Variants in SPOCD1 observed in about 807,000 individuals in gnomAD.
SPOCD1 encodes SPOC domain-containing protein 1.
Under a neutral mutation model 92.2 loss-of-function variants are expected in SPOCD1, and 64 were observed. The ratio of observed to expected loss-of-function variants is 0.69; its 90% CI spans 0.57 to 0.86. The LOEUF (loss-of-function observed/expected upper bound fraction) is 0.86. SPOCD1 is among the 40% of genes least tolerant of loss of function. The pLI, the probability that SPOCD1 is intolerant of heterozygous loss-of-function variation, is 0.00. For synonymous variants in SPOCD1, 578 were observed against 619.3 expected, an observed-to-expected ratio of 0.93 and a Z score of 0.99; for missense variants, 1,360 against 1,543.1, an observed-to-expected ratio of 0.88 and a Z score of 1.99.
Position 31,814,999 on chromosome 1 carries a change from C to A in SPOCD1, c.335G>T (p.Arg112Ile). The change falls in exon 2 of 16, where the codon AGA becomes ATA. Residue 112 changes from arginine to isoleucine, a missense_variant. Arg to Ile is a moderately conservative substitution (Grantham distance 97). This residue lies in a region of SPOCD1 where 140 missense variants were observed against 183.8 expected (regional missense o/e 0.76). Transcript: ENST00000360482. The surrounding 1 kb of genome is among the most constrained non-coding windows in gnomAD (Gnocchi z 4.2). ...CTGGAGCCTCTTGGAGGTCAGAGCT[C>A]TCCCCTGAGTAGGCACCGAGGGCAG... Reference protein sequence around the residue: ...MQLPSVPTQGRALTSKRLQVS... With the variant: ...MQLPSVPTQGIALTSKRLQVS... 1 of 1,613,950 alleles carries A rather than the reference C, an allele frequency of 6.2e-7. No homozygotes were observed. The highest frequency in any genetic ancestry group is 8.5e-7 in the Non-Finnish European group (1 of 1,180,024).
At chr1:31,808,250 A>G (rs1229923356) in intron 2 of SPOCD1, among the ~76,000 whole-genome samples, 4 of 152,156 alleles carry the variant, frequency 2.6e-5, no homozygotes, top group Non-Finnish European at 4.4e-5. Flanking sequence ...CATGAAATTG[A>G]ATTCACAAAA....
intron 2 of SPOCD1, among the ~76,000 whole-genome samples, chr1:31,810,354 ATT>A (rs35691769): frequency 1.2e-4 from 16 of 137,924 alleles, no homozygotes; most frequent in East Asian, 2.1e-4. Context: ...TTAGTGTTGA[ATT>A]TTTTTTTTTT....
At chr1:31,815,475 A>G in intron 1 of SPOCD1, 103 bp from the exon 2 acceptor site, 1 of 795,880 alleles carries the variant, frequency 1.3e-6, no homozygotes, top group South Asian at 2.5e-5. Flanking sequence ...GCTCTCCCAG[A>G]CCCTTCCACT....
intron 2 of SPOCD1, among the ~76,000 whole-genome samples, chr1:31,806,373 A>G (rs1443588158): frequency 6.6e-6 from 1 of 152,162 alleles, no homozygotes; most frequent in Non-Finnish European, 1.5e-5. Flanking sequence ...CAAAAAGCAA[A>G]TATCAACAAA....
Position 31,798,151 on chromosome 1 carries a change from G to T in SPOCD1, c.2145+56C>A. On this transcript the variant is annotated intron_variant, in intron 9 of 15. Transcript: ENST00000360482. This position sits in a 1 kb window ranked among gnomAD's most constrained non-coding sequence, Gnocchi z 4.1. Reference sequence around the variant, plus strand: ...CTGTCTCTCCCTCTTCCACTCTCAGGCCACCCACTCTGCCCCTACATCCCC... The same window carrying T: ...CTGTCTCTCCCTCTTCCACTCTCAGTCCACCCACTCTGCCCCTACATCCCC... 2 of 1,326,278 alleles carry T rather than the reference G, an allele frequency of 1.5e-6. No individual in the cohort carries two copies. Among genetic ancestry groups the T allele is most frequent in the Non-Finnish European group, 2.2e-6 (2 of 918,796 alleles). 82.2% of individuals were successfully genotyped at this position (1,326,278 alleles called of 1,614,324 possible).
chr1:31,790,590 T>G lies in SPOCD1; in HGVS notation c.*13A>C. 6.5e-7 allele frequency: 1 copy of G among 1,549,646 alleles called. No homozygotes were observed. Among genetic ancestry groups the G allele is most frequent in the Non-Finnish European group, 8.7e-7 (1 of 1,145,668 alleles). ...GAGGGCATCAAAACCCCTGTTCTGG[T>G]GGGTAAGGAGGGTCAGGCCTTTCTA... On this transcript the variant is annotated 3_prime_UTR_variant, in exon 16 of 16. Transcript: ENST00000360482.
chr1:31,807,836 A>C (rs780779759), intron 2 of SPOCD1, among the ~76,000 whole-genome samples: 12 of 152,200 alleles, frequency 7.9e-5, no homozygotes, highest in Non-Finnish European at 1.5e-4. Context: ...CTTAAAGATA[A>C]GAGGCTATTG....
rs544242508 is a variant in SPOCD1, at chr1:31,798,685, C to T, written c.1869-84G>A. On this transcript the variant is annotated intron_variant, in intron 7 of 15. Transcript: ENST00000360482. The surrounding 1 kb of genome is among the most constrained non-coding windows in gnomAD (Gnocchi z 4.1). ...TCCCAGAGGGAGGCAGCTGGGTGGG[C>T]GGCAGGGTCTGGGCCAACTTGTTCC... The T allele has an allele frequency of 1.6e-4, 237 of 1,494,940 alleles. 3 individuals are homozygous for T. In the South Asian group the frequency reaches 2.6e-3, roughly 17 times the overall value. The allele number at this position is 1,494,940 out of a possible 1,614,324, so 92.6% of individuals were successfully genotyped here.
intron 4 of SPOCD1, 33 bp downstream of exon 4, chr1:31,800,408 C>T: frequency 6.6e-7 from 1 of 1,521,316 alleles, no homozygotes; most frequent in East Asian, 2.5e-5. Flanking sequence ...GTGCCTCTCT[C>T]AGCAGGATTA....
intron 9 of SPOCD1, among the ~76,000 whole-genome samples, chr1:31,797,130 A>G (rs1648083772): frequency 6.6e-6 from 1 of 152,230 alleles, no homozygotes; most frequent in African/African-American, 2.4e-5. Flanking sequence ...TCTGTTCTGT[A>G]GGAATTTAAT....
In SPOCD1 at chr1:31,814,193, C is replaced by A. The variant is rs757344690; in HGVS notation, c.1141G>T (p.Ala381Ser). The A allele has an allele frequency of 1.3e-6, 2 of 1,569,660 alleles. No individual in the cohort carries two copies. The highest frequency in any genetic ancestry group is 3.5e-5 in the Admixed American group (2 of 56,776). The change falls in exon 2 of 16, where the codon GCT (alanine) becomes TCT (serine). Residue 381 changes from alanine to serine, a missense_variant. Physicochemically the swap from Ala to Ser is moderately conservative, Grantham distance 99. Transcript: ENST00000360482. This position sits in a 1 kb window ranked among gnomAD's most constrained non-coding sequence, Gnocchi z 4.2. ...CTGGCACAGGTGTCAGCGGGGGCAGCGAGTCCTTGCTCCAGCCTTCCCCTG... is the reference window on the plus strand; with the variant it reads ...CTGGCACAGGTGTCAGCGGGGGCAGAGAGTCCTTGCTCCAGCCTTCCCCTG... ...ASRGRLEQGL[A>S]APADTCASSR... is the part of the protein sequence containing the mutation.
chr1:31,793,369 G>A lies in SPOCD1; in HGVS notation c.2594C>T (p.Pro865Leu). Residue 865 changes from proline (P) to leucine (L), a missense_variant, in exon 13 of 16, where the codon CCA becomes CTA. This residue lies in a region of SPOCD1 where 614 missense variants were observed against 757.8 expected (regional missense o/e 0.81). Coordinates refer to ENST00000360482, the MANE Select transcript of SPOCD1 (RefSeq NM_144569.7). ...CATGTCCAGAACACCTTCCCAGGGTGGCAGGCAGGGCAGGGCCTTTGTGGG... is the reference window on the plus strand; with the variant it reads ...CATGTCCAGAACACCTTCCCAGGGTAGCAGGCAGGGCAGGGCCTTTGTGGG... ...AAPTKALPCLPPWEGVLDMFS... is the reference protein window; with the variant it reads ...AAPTKALPCLLPWEGVLDMFS... 6.3e-7 allele frequency: 1 copy of A among 1,591,178 alleles called. No individual in the cohort carries two copies. Among genetic ancestry groups the A allele is most frequent in the South Asian group, 1.1e-5 (1 of 87,400 alleles).
At chr1:31,811,475 A>T (rs78165146) in intron 2 of SPOCD1, among the ~76,000 whole-genome samples, 6 of 145,560 alleles carry the variant, frequency 4.1e-5, no homozygotes, top group South Asian at 4.3e-4. Context: ...AAAGTAAATT[A>T]AAAAAAAAAA....
chr1:31,813,826 A>T, intron 2 of SPOCD1, 125 bp downstream of exon 2: 1 of 831,730 alleles, frequency 1.2e-6, no homozygotes, highest in Non-Finnish European at 1.7e-6. Flanking sequence ...CAGTTTAGTT[A>T]ATAGGGATGT....
At chr1:31,811,226 C>T (rs1221765258) in intron 2 of SPOCD1, among the ~76,000 whole-genome samples, 1 of 152,212 alleles carries the variant, frequency 6.6e-6, no homozygotes, top group African/African-American at 2.4e-5. Context: ...AATCCCAGCA[C>T]TTTGGAAGGC....
Position 31,793,387 on chromosome 1 carries a change from T to C in SPOCD1, c.2576A>G (p.Lys859Arg). 1 of 1,592,824 alleles carries C rather than the reference T, an allele frequency of 6.3e-7. No individual in the cohort carries two copies. ...SGLHVPAAPT[K>R]ALPCLPPWEG... ...CCAGGGTGGCAGGCAGGGCAGGGCC[T>C]TTGTGGGTGCAGCAGGCACATGGAG... Residue 859 changes from lysine to arginine, a missense_variant, in exon 13 of 16, where the codon AAG (lysine) becomes AGG (arginine). Transcript: ENST00000360482.
chr1:31,795,396 C>T (rs1486879255), intron 10 of SPOCD1: 1 of 152,184 alleles, frequency 6.6e-6, no homozygotes, highest in Non-Finnish European at 1.5e-5. Context: ...CAGGGAATAG[C>T]ACCAACCTCC....
At chr1:31,804,865 T>G (rs992169570) in intron 2 of SPOCD1, among the ~76,000 whole-genome samples, 4 of 152,136 alleles carry the variant, frequency 2.6e-5, no homozygotes, top group African/African-American at 9.7e-5. Flanking sequence ...AGGTACGCGC[T>G]TGGAATTAGA....
chr1:31,798,244 T>TG lies in SPOCD1; in HGVS notation c.2107dup (p.Gln703ProfsTer19). The TG allele has an allele frequency of 1.9e-6, 3 of 1,614,086 alleles. No individual in the cohort carries two copies. The highest frequency in any genetic ancestry group is 2.5e-6 in the Non-Finnish European group (3 of 1,180,020). Reference sequence around the variant, plus strand: ...CTGGTCCCGCCAGCGGGCCAGCTCCTGGGGGGCCAGCTGCATCGAGCTCAT... The same window carrying TG: ...CTGGTCCCGCCAGCGGGCCAGCTCCTGGGGGGGCCAGCTGCATCGAGCTCAT... On this transcript the variant is annotated frameshift_variant, in exon 9 of 16. Transcript: ENST00000360482. LOFTEE classifies it high-confidence loss of function. This position sits in a 1 kb window ranked among gnomAD's most constrained non-coding sequence, Gnocchi z 4.1.
Sources: gnomAD v4.1 joint callset for allele counts (sites outside exome capture counted in the v4.1 genomes callset) on GRCh38, gnomAD v4.1.1 for gene constraint, gnomAD v4.1.1 regional missense constraint, Gnocchi (gnomAD v3.1) non-coding constraint, MANE v1.5 for transcripts, NCBI Gene and HGNC (gene_info 2026-07-23, HGNC 2026-07-21) for gene names.